Variants in CACNA1C observed in about 807,000 individuals in gnomAD.
The protein encoded by CACNA1C is calcium voltage-gated channel subunit alpha1 C, also known as voltage-dependent L-type calcium channel subunit alpha-1C.
Under a neutral mutation model 229.0 loss-of-function variants are expected in CACNA1C, and 30 were observed. The observed-to-expected ratio is 0.13, with a 90% confidence interval of 0.10 to 0.18. The LOEUF is 0.18. CACNA1C is among the 10% of genes least tolerant of loss of function. The pLI, the probability that CACNA1C is intolerant of heterozygous loss-of-function variation, is 1.00. For synonymous variants in CACNA1C, 1,114 were observed against 1,132.5 expected (o/e 0.98, Z 0.33); for missense variants, 1,658 against 2,845.0 (o/e 0.58, Z 9.49).
intron 21 of CACNA1C, among the ~76,000 whole-genome samples, chr12:2,600,865 T>C (rs1250141560): frequency 6.6e-6 from 1 of 152,232 alleles, no homozygotes; most frequent in Non-Finnish European, 1.5e-5. Context: ...CACCCTTTTA[T>C]GGGGCTCACC....
intron 1 of CACNA1C, among the ~76,000 whole-genome samples, chr12:2,070,052 G>A (rs948040307): frequency 3.9e-5 from 6 of 152,026 alleles, no homozygotes; most frequent in Non-Finnish European, 5.9e-5. Context: ...TGATCTTCCC[G>A]CCTTGGCCTC....
intron 9 of CACNA1C, among the ~76,000 whole-genome samples, chr12:2,543,151 G>A (rs1262963594): frequency 6.6e-6 from 1 of 152,204 alleles, no homozygotes; most frequent in Non-Finnish European, 1.5e-5. Context: ...CTGGTAAGAG[G>A]GAGGTTAGAA....
intron 3 of CACNA1C, among the ~76,000 whole-genome samples, chr12:2,347,900 G>A (rs1035064629): frequency 2.0e-5 from 3 of 152,242 alleles, no homozygotes; most frequent in Non-Finnish European, 2.9e-5. Flanking sequence ...CTGTGCACTT[G>A]GTAGGCTGTT....
intron 9 of CACNA1C, 105 bp downstream of exon 9, chr12:2,513,089 G>A (rs923412123): frequency 9.3e-6 from 8 of 857,354 alleles, no homozygotes; most frequent in East Asian, 2.8e-5. Context: ...AGAAGCCCAC[G>A]GGGTGCCTTC....
At chr12:2,384,854 C>CT (rs1027547515) in intron 3 of CACNA1C, among the ~76,000 whole-genome samples, 3 of 152,186 alleles carry the variant, frequency 2.0e-5, no homozygotes, top group African/African-American at 7.2e-5. Context: ...CTTAGCAAAT[C>CT]TTTTTACTTT....
intron 1 of CACNA1C, among the ~76,000 whole-genome samples, chr12:2,114,533 G>A (rs533020744): frequency 6.6e-6 from 1 of 152,356 alleles, no homozygotes; most frequent in South Asian, 2.1e-4. Flanking sequence ...TTGTTGACAT[G>A]ATTTAAAACC....
chr12:2,355,244 G>A (rs975262687), intron 3 of CACNA1C, among the ~76,000 whole-genome samples: 1 of 152,178 alleles, frequency 6.6e-6, no homozygotes, highest in Admixed American at 6.5e-5. Flanking sequence ...CTCCGGAGGG[G>A]GAGAAGCTGG....
At chr12:2,296,891 C>T (rs1030632718) in intron 3 of CACNA1C, among the ~76,000 whole-genome samples, 2 of 152,194 alleles carry the variant, frequency 1.3e-5, no homozygotes, top group African/African-American at 2.4e-5. Context: ...GAAGAGAAAA[C>T]TTTACCTGGC....
intron 3 of CACNA1C, among the ~76,000 whole-genome samples, chr12:2,221,314 G>T (rs1462449374): frequency 3.3e-5 from 5 of 152,188 alleles, no homozygotes. Flanking sequence ...CTGTGGATTA[G>T]AAAAGGGAGT....
chr12:2,119,963 G>A (rs898436295), intron 2 of CACNA1C, among the ~76,000 whole-genome samples: 3 of 152,272 alleles, frequency 2.0e-5, no homozygotes, highest in African/African-American at 7.2e-5. Context: ...CATAAACTGT[G>A]AAGAAACGGG....
At chr12:2,491,261 T>A (rs2154571445) in intron 6 of CACNA1C, among the ~76,000 whole-genome samples, 1 of 152,246 alleles carries the variant, frequency 6.6e-6, no homozygotes, top group Non-Finnish European at 1.5e-5. Context: ...CGAGGGGGGT[T>A]TCAGGGAGTG....
At chr12:1,973,787 C>T (rs952562098) in intron 1 of CACNA1C, among the ~76,000 whole-genome samples, 8 of 152,132 alleles carry the variant, frequency 5.3e-5, no homozygotes, top group African/African-American at 1.9e-4. Context: ...ATAGAAACAA[C>T]TTATTCTGCT....
chr12:2,359,035 T>C (rs1181834797), intron 3 of CACNA1C, among the ~76,000 whole-genome samples: 3 of 152,204 alleles, frequency 2.0e-5, no homozygotes, highest in Admixed American at 2.0e-4. Flanking sequence ...CTTCCACCTC[T>C]CCTGGCTGAT....
intron 1 of CACNA1C, among the ~76,000 whole-genome samples, chr12:2,073,767 G>A (rs2062171465): frequency 6.6e-6 from 1 of 152,190 alleles, no homozygotes; most frequent in African/African-American, 2.4e-5. Flanking sequence ...AGTTCAGGAG[G>A]AATTAGTAAG....
intron 3 of CACNA1C, among the ~76,000 whole-genome samples, chr12:2,303,610 A>AG (rs1566957961): frequency 1.3e-5 from 2 of 152,172 alleles, no homozygotes; most frequent in Non-Finnish European, 2.9e-5. Context: ...ACAAAAAAAA[A>AG]CAAACAAAAT....
rs1435597337 is a variant in CACNA1C at position 2,632,873 on chromosome 12, C to G, written c.3829-1424C>G. The stretch of plus-strand genomic sequence containing the variant: ...CTGTCAAGAGCCACATAACACACTC[C>G]CGGAGTAGGAGCCCAGCCTTGCCTC... On this transcript the variant is annotated intron_variant, in intron 29 of 46. Transcript: ENST00000399655. This position sits in a 1 kb window ranked among gnomAD's most constrained non-coding sequence, Gnocchi z 4.1. Among the ~76,000 whole-genome samples, 3 of 152,150 alleles carry G rather than the reference C, an allele frequency of 2.0e-5. No homozygotes were observed. The highest frequency in any genetic ancestry group is 4.4e-5 in the Non-Finnish European group (3 of 68,030).
At position 2,229,411 on chromosome 12, in the gene CACNA1C, A is replaced by G. The variant is rs149756463; in HGVS notation, c.477+108981A>G. On this transcript the variant is annotated intron_variant, in intron 3 of 46. Coordinates refer to ENST00000399655, the MANE Select transcript of CACNA1C (RefSeq NM_000719.7). ...TATGGGTTTTAAAAGTCCGTCCTTC[A>G]TTCATCAAATATTTATCGTGTATCT... Among the ~76,000 whole-genome samples, 270 of 152,292 alleles carry G rather than the reference A, an allele frequency of 1.8e-3. 1 individual carries two copies. Among genetic ancestry groups the G allele is most frequent in the African/African-American group, 5.8e-3 (241 of 41,550 alleles).
chr12:2,267,312 A>C (rs1443099904), intron 3 of CACNA1C, among the ~76,000 whole-genome samples: 3 of 152,024 alleles, frequency 2.0e-5, no homozygotes, highest in Non-Finnish European at 4.4e-5. Flanking sequence ...CATAATATAT[A>C]ATTATTCTCC....
intron 3 of CACNA1C, among the ~76,000 whole-genome samples, chr12:2,238,822 T>C (rs1486828635): frequency 3.3e-5 from 5 of 152,134 alleles, no homozygotes; most frequent in African/African-American, 4.8e-5. Context: ...AGGCTGAAAT[T>C]TGGGGACTCA....
Sources: allele counts gnomAD v4.1 joint callset (sites outside exome capture counted in the v4.1 genomes callset), GRCh38; gene constraint gnomAD v4.1.1; non-coding constraint Gnocchi (gnomAD v3.1); transcripts MANE v1.5; gene names NCBI Gene and HGNC (gene_info 2026-07-23, HGNC 2026-07-21).